The following DIDO1 variants were observed in gnomAD, a reference collection of about 807,000 sequenced individuals.
The protein encoded by DIDO1 is death-inducer obliterator 1.
Under a neutral mutation model 99.4 loss-of-function variants are expected in DIDO1, and 16 were observed. The ratio of observed to expected loss-of-function variants is 0.16; its 90% CI spans 0.11 to 0.24. The LOEUF (loss-of-function observed/expected upper bound fraction) is 0.24. DIDO1 is among the 10% of genes least tolerant of loss of function. The probability of loss-of-function intolerance (pLI) is 1.00; values close to 1 mark genes in which losing one functional copy is unlikely to be tolerated. For missense variants in DIDO1, 2,996 were observed against 3,014.0 expected (o/e 0.99, Z 0.14); for synonymous variants, 1,366 against 1,239.1 (o/e 1.10, Z -2.15).
chr20:62,884,481 C>A (rs1359638452), intron 15 of DIDO1, among the ~76,000 whole-genome samples: 1 of 152,230 alleles, frequency 6.6e-6, no homozygotes, highest in Non-Finnish European at 1.5e-5. Flanking sequence ...AAAAGGTGCT[C>A]ACACTACAGA....
rs773556776 is a variant in DIDO1, at chr20:62,905,904, G to A, written c.1571C>T (p.Pro524Leu). The A allele has an allele frequency of 9.9e-6, 16 of 1,613,996 alleles. No homozygotes were observed. Among genetic ancestry groups the A allele is most frequent in the East Asian group, 2.2e-5 (1 of 44,898 alleles). Residue 524 changes from proline to leucine, a missense_variant, in exon 6 of 16, where the codon CCG becomes CTG. Pro to Leu is a moderately conservative substitution (Grantham distance 98, BLOSUM62 -3). Transcript: ENST00000395343. Reference sequence around the variant, plus strand: ...ATACATACATTTATACAACAGTGACGGCGAGGGAGCAGCAGTCTTTTCTGG... The same window carrying A: ...ATACATACATTTATACAACAGTGACAGCGAGGGAGCAGCAGTCTTTTCTGG... ...VKPEKTAAPS[P>L]SLLYKSTKED...
chr20:62,889,122 G>C, intron 15 of DIDO1: 1 of 985,536 alleles, frequency 1.0e-6, no homozygotes, highest in Non-Finnish European at 1.2e-6. Flanking sequence ...CAGTGTGGGT[G>C]GTTGGTGCCA....
rs1428439012 is a variant in DIDO1, at chr20:62,894,805, C to T, written c.2436+5G>A. On this transcript the variant is annotated splice_donor_5th_base_variant and intron_variant, in intron 10 of 15. Transcript: ENST00000395343. This position sits in a 1 kb window ranked among gnomAD's most constrained non-coding sequence, Gnocchi z 4.4. ...CGGTGAACACAAAATCTCCCAAATG[C>T]TTACCTCTGAATCCGACACTGGCGG... 4 of 1,608,304 alleles carry T rather than the reference C, an allele frequency of 2.5e-6. No individual in the cohort carries two copies. The African/African-American group carries it at 5.4e-5, about 22-fold the overall frequency.
At position 62,880,809 on chromosome 20, in the gene DIDO1, G is replaced by C. The variant is rs1386143803; in HGVS notation, c.5147C>G (p.Ala1716Gly). Residue 1716 changes from alanine to glycine, a missense_variant, in exon 16 of 16, where the codon GCA becomes GGA. By Grantham distance (60) the Ala-to-Gly change is moderately conservative (BLOSUM62 0). Around this residue, in one of 5 missense-constraint regions of DIDO1, gnomAD observed 1,562 missense variants for 1,412.6 expected, o/e 1.11. Coordinates refer to ENST00000395343, the MANE Select transcript of DIDO1 (RefSeq NM_001193369.2). ...LHSAGRSSSP[A>G]GETEGDREPQ... is the part of the protein sequence containing the mutation. ...CTCTCTGTCCCCCTCTGTTTCACCT[G>C]CAGGGCTGCTGCTCCTTCCAGCAGA... 1 of 1,612,888 alleles carries C rather than the reference G, an allele frequency of 6.2e-7. No individual in the cohort carries two copies. The highest frequency in any genetic ancestry group is 8.5e-7 in the Non-Finnish European group (1 of 1,179,984).
chr20:62,896,765 C>A lies in DIDO1; in HGVS notation c.1820G>T (p.Gly607Val), dbSNP rs145077172. ...TCCGGCCTGCCTGGCAGCTGAAGCA[C>A]CACTCGATGGGGTAGCGGAGAGCCA... ...RPWLSATPSSGASAARQAGPA... is the reference protein window; with the variant it reads ...RPWLSATPSSVASAARQAGPA... Residue 607 changes from glycine to valine, a missense_variant, in exon 7 of 16, where the codon GGT becomes GTT. Transcript: ENST00000395343. This position sits in a 1 kb window ranked among gnomAD's most constrained non-coding sequence, Gnocchi z 4.4. 1.1e-5 allele frequency: 18 copies of A among 1,613,664 alleles called. No homozygotes were observed. The African/African-American group carries it at 1.7e-4, about 16-fold the overall frequency.
chr20:62,919,144 AT>A (rs1275755011), intron 1 of DIDO1, among the ~76,000 whole-genome samples: 2 of 152,228 alleles, frequency 1.3e-5, no homozygotes, highest in African/African-American at 2.4e-5. Flanking sequence ...CCCAACTTTC[AT>A]TTACTTTAGT....
At chr20:62,885,747 T>C (rs1431268000) in intron 15 of DIDO1, among the ~76,000 whole-genome samples, 1 of 152,238 alleles carries the variant, frequency 6.6e-6, no homozygotes, top group Admixed American at 6.5e-5. Context: ...CTCATGTTTG[T>C]TATTATGTAT....
chr20:62,910,974 C>T lies in DIDO1; in HGVS notation c.639G>A (p.Leu213=), dbSNP rs778121064. The T allele has an allele frequency of 1.2e-5, 19 of 1,614,166 alleles. No homozygotes were observed. In the East Asian group the frequency reaches 4.2e-4, roughly 36 times the overall value. Residue 213 remains leucine (L), a synonymous_variant, in exon 3 of 16, where the codon CTG becomes CTA. Transcript: ENST00000395343. The part of the protein sequence containing the change: ...SEASDTVEGV[L]PSKQEPENDQ... ...CGTTCTCGGGCTCCTGCTTACTGGG[C>T]AGGACGCCCTCCACAGTGTCACTGG...
intron 15 of DIDO1, 171 bp downstream of exon 15, chr20:62,890,789 C>A: frequency 6.9e-7 from 1 of 1,458,924 alleles, no homozygotes; most frequent in Non-Finnish European, 9.0e-7. Context: ...ACTTCTCGTG[C>A]CACAGTCCTA....
chr20:62,920,122 T>C (rs889829402), intron 1 of DIDO1, among the ~76,000 whole-genome samples: 10 of 152,264 alleles, frequency 6.6e-5, no homozygotes, highest in Non-Finnish European at 4.4e-5. Flanking sequence ...AGGACCACAA[T>C]GCACAGGTTC....
At chr20:62,934,807 C>T (rs903085392) in intron 1 of DIDO1, among the ~76,000 whole-genome samples, 6 of 152,224 alleles carry the variant, frequency 3.9e-5, no homozygotes, top group African/African-American at 1.4e-4. Flanking sequence ...GCTAACATAG[C>T]TTCTCGAAAC....
At chr20:62,912,987 G>A (rs998717484) in intron 2 of DIDO1, among the ~76,000 whole-genome samples, 1 of 152,238 alleles carries the variant, frequency 6.6e-6, no homozygotes, top group Middle Eastern at 3.4e-3. Flanking sequence ...AGCCGAGATC[G>A]CACCACTGCA....
chr20:62,924,158 ATAG>A (rs1470508704), intron 1 of DIDO1, among the ~76,000 whole-genome samples: 2 of 152,330 alleles, frequency 1.3e-5, no homozygotes, highest in African/African-American at 2.4e-5. Context: ...ACATCATTTG[ATAG>A]TAGTCATAAA....
intron 6 of DIDO1, chr20:62,905,331 C>A: frequency 7.0e-7 from 1 of 1,428,446 alleles, no homozygotes. Context: ...GCGTGTGAAT[C>A]GGACATGGAA....
Position 62,878,129 on chromosome 20 carries a change from T to C in DIDO1, c.*1104A>G, listed in dbSNP as rs2064138070. 6.6e-6 allele frequency: 1 copy of C among 152,222 alleles called. No homozygotes were observed. The highest frequency in any genetic ancestry group is 1.5e-5 in the Non-Finnish European group (1 of 68,032). The allele number at this position is 152,222 out of a possible 1,614,324, so 9.4% of individuals were successfully genotyped here. ...GGAATAACAGACTCCAAAGAACAAGTGAAGTTCTTTAATTTTACATCTGTA... is the reference window on the plus strand; with the variant it reads ...GGAATAACAGACTCCAAAGAACAAGCGAAGTTCTTTAATTTTACATCTGTA... On this transcript the variant is annotated 3_prime_UTR_variant, in exon 16 of 16. Transcript: ENST00000395343.
intron 6 of DIDO1, among the ~76,000 whole-genome samples, chr20:62,899,186 A>G (rs2064605684): frequency 6.6e-6 from 1 of 152,236 alleles, no homozygotes; most frequent in African/African-American, 2.4e-5. Context: ...CCGTGATTCA[A>G]ACTGAAACCT....
chr20:62,883,028 A>T (rs2064239798), intron 15 of DIDO1, among the ~76,000 whole-genome samples: 1 of 146,630 alleles, frequency 6.8e-6, no homozygotes, highest in African/African-American at 2.6e-5. Context: ...GTTCAGGAGA[A>T]TTCTCCTGTC....
At chr20:62,888,778 TAC>T (rs2064342626) in intron 15 of DIDO1, 1 of 985,312 alleles carries the variant, frequency 1.0e-6, no homozygotes, top group South Asian at 4.7e-5. Context: ...GCGGGCCGAG[TAC>T]CCGATGGCCT....
chr20:62,894,467 T>G lies in DIDO1; in HGVS notation c.2518A>C (p.Thr840Pro). 1 of 1,613,664 alleles carries G rather than the reference T, an allele frequency of 6.2e-7. No individual in the cohort carries two copies. Among genetic ancestry groups the G allele is most frequent in the Non-Finnish European group, 8.5e-7 (1 of 1,180,024 alleles). ...LDVFSSMLKD[T>P]TSQHRAHLFD... ...AGGTGTGCGCGGTGCTGACTGGTGG[T>G]GTCTTTCAACATGCTGCTGAAGACG... Residue 840 changes from threonine to proline, a missense_variant, in exon 11 of 16, where the codon ACC becomes CCC. Thr to Pro is a conservative substitution (Grantham distance 38). Transcript: ENST00000395343. The surrounding 1 kb of genome is among the most constrained non-coding windows in gnomAD (Gnocchi z 4.4).
Sources: allele counts gnomAD v4.1 joint callset (sites outside exome capture counted in the v4.1 genomes callset), GRCh38; gene constraint gnomAD v4.1.1; regional missense constraint gnomAD v4.1.1; non-coding constraint Gnocchi (gnomAD v3.1); transcripts MANE v1.5; gene names NCBI Gene and HGNC (gene_info 2026-07-23, HGNC 2026-07-21).